The following C2orf80 variants were observed in gnomAD, a reference collection of about 807,000 sequenced individuals.
C2orf80 encodes uncharacterized protein C2orf80.
In C2orf80, 28 loss-of-function variants were observed where a neutral mutation model predicts 30.2. That is an observed-to-expected ratio of 0.93 (90% CI 0.69 to 1.27). The LOEUF (loss-of-function observed/expected upper bound fraction) is 1.27, where lower values mean the gene tolerates loss of function less well. C2orf80 is among the 50% of genes most tolerant of loss of function. C2orf80 has a pLI of 0.00. For synonymous variants in C2orf80, 80 were observed against 76.4 expected (o/e 1.05, Z -0.24); for missense variants, 220 against 231.0 (o/e 0.95, Z 0.31).
chr2:208,176,921 G>GTATACATACGTATACATAGGTGTATACA (rs1696332390), intron 6 of C2orf80, among the ~76,000 whole-genome samples: 1 of 96,814 alleles, frequency 1.0e-5, no homozygotes, highest in African/African-American at 3.8e-5. Flanking sequence ...ATACATATCT[G>GTATACATACGTATACATAGGTGTATACA]TATACATATG....
chr2:208,172,982 G>C (rs1696150856), intron 6 of C2orf80, among the ~76,000 whole-genome samples: 1 of 151,944 alleles, frequency 6.6e-6, no homozygotes, highest in African/African-American at 2.4e-5. Flanking sequence ...AAGCGAGTGT[G>C]GTAGTGGATG....
At position 208,186,993 on chromosome 2, in the gene C2orf80, G is replaced by A. The variant is rs1559345757; in HGVS notation, c.-7C>T. 2 of 1,613,970 alleles carry A rather than the reference G, an allele frequency of 1.2e-6. No individual in the cohort carries two copies. The highest frequency in any genetic ancestry group is 1.7e-4 in the Middle Eastern group (1 of 6,060). The stretch of plus-strand genomic sequence containing the variant: ...TTATGAGCCTTCTTTCCATGTTAAA[G>A]GCTTAGCCAGCTGAGCAGGTATCTG... On this transcript the variant is annotated 5_prime_UTR_variant, in exon 2 of 9. Coordinates refer to ENST00000341287, the MANE Select transcript of C2orf80 (RefSeq NM_001099334.3).
chr2:208,171,131 C>T lies in C2orf80; in HGVS notation c.455-68G>A. ...TTAAAAATGTGTCCATCCAAAGTTT[C>T]ATTTAATTTCATTTCACTAATTAAT... On this transcript the variant is annotated intron_variant, in intron 7 of 8. Transcript: ENST00000341287. 4 of 970,328 alleles carry T rather than the reference C, an allele frequency of 4.1e-6. No homozygotes were observed. The African/African-American group carries it at 6.5e-5, about 16-fold the overall frequency. 60.1% of individuals were successfully genotyped at this position (970,328 alleles called of 1,614,324 possible). A position where few individuals can be genotyped will look rare whatever the true frequency, so the allele number is the denominator to read the frequency against.
At chr2:208,174,257 G>A (rs1356982590) in intron 6 of C2orf80, among the ~76,000 whole-genome samples, 1 of 152,082 alleles carries the variant, frequency 6.6e-6, no homozygotes, top group East Asian at 1.9e-4. Context: ...AATTCCTCAT[G>A]ATTAAGATCT....
At chr2:208,182,292 A>C (rs1407669837) in intron 4 of C2orf80, among the ~76,000 whole-genome samples, 1 of 152,228 alleles carries the variant, frequency 6.6e-6, no homozygotes, top group Non-Finnish European at 1.5e-5. Context: ...ATGTCTGCCT[A>C]AATGCTTAAG....
intron 1 of C2orf80, among the ~76,000 whole-genome samples, chr2:208,188,206 C>T (rs761389499): frequency 6.6e-6 from 1 of 151,758 alleles, no homozygotes; most frequent in Non-Finnish European, 1.5e-5. Flanking sequence ...TAGTTGTTGA[C>T]TCTGGAATTC....
chr2:208,187,100 C>G, intron 1 of C2orf80, 39 bp from the exon 2 acceptor site: 3 of 944,624 alleles, frequency 3.2e-6, no homozygotes, highest in Non-Finnish European at 5.0e-6. Flanking sequence ...GTTAGGGATG[C>G]TATCACTCCA....
At position 208,176,328 on chromosome 2, in the gene C2orf80, A is replaced by T. The variant is rs1696292336; in HGVS notation, c.367-4253T>A. Among the ~76,000 whole-genome samples, 6 of 152,208 alleles carry T rather than the reference A, an allele frequency of 3.9e-5. No homozygotes were observed. In the South Asian group the frequency reaches 1.2e-3, roughly 32 times the overall value. ...GTAGCTGGGATTACAGGAGCCCACC[A>T]CCACACCCGGCTAATTTTTGTATTT... On this transcript the variant is annotated intron_variant, in intron 6 of 8. Transcript: ENST00000341287.
chr2:208,186,637 C>T (rs780141250), intron 2 of C2orf80, among the ~76,000 whole-genome samples: 2 of 152,206 alleles, frequency 1.3e-5, no homozygotes, highest in Non-Finnish European at 1.5e-5. Context: ...CCCCTTTCAA[C>T]GGTGTATCTT....
intron 2 of C2orf80, 54 bp from the exon 3 acceptor site, chr2:208,185,086 C>A: frequency 7.5e-7 from 1 of 1,338,884 alleles, no homozygotes; most frequent in Non-Finnish European, 1.0e-6. Context: ...GCTCAGTCTG[C>A]AGAAAAAGGC....
At chr2:208,183,128 C>T in intron 3 of C2orf80, 81 bp from the exon 4 acceptor site, 1 of 1,071,950 alleles carries the variant, frequency 9.3e-7, no homozygotes, top group Non-Finnish European at 1.5e-6. Flanking sequence ...GACAATGGGA[C>T]TGCTAAGCCT....
chr2:208,181,380 A>T, intron 4 of C2orf80, 75 bp from the exon 5 acceptor site: 1 of 924,618 alleles, frequency 1.1e-6, no homozygotes, highest in South Asian at 1.4e-5. Context: ...TGTGATGATA[A>T]TCGATAAGTA....
Position 208,165,682 on chromosome 2 carries a change from A to G in C2orf80, c.*125T>C. 1 of 1,261,914 alleles carries G rather than the reference A, an allele frequency of 7.9e-7. No homozygotes were observed. Among genetic ancestry groups the G allele is most frequent in the Non-Finnish European group, 1.1e-6 (1 of 894,512 alleles). The allele number at this position is 1,261,914 out of a possible 1,614,324, so 78.2% of individuals were successfully genotyped here. Reference sequence around the variant, plus strand: ...AGCTCAACATCAAAAATAACACTTCAGTGCAGTTGTACCAAAAACAGTTGT... The same window carrying G: ...AGCTCAACATCAAAAATAACACTTCGGTGCAGTTGTACCAAAAACAGTTGT... On this transcript the variant is annotated 3_prime_UTR_variant, in exon 9 of 9. Coordinates refer to ENST00000341287, the MANE Select transcript of C2orf80 (RefSeq NM_001099334.3).
rs1330556978 is a variant in C2orf80, at chr2:208,165,573, C to T, written c.*234G>A. The T allele has an allele frequency of 4.2e-6, 2 of 476,762 alleles. No individual in the cohort carries two copies. The highest frequency in any genetic ancestry group is 7.4e-6 in the Non-Finnish European group (2 of 271,188). 29.5% of individuals were successfully genotyped at this position (476,762 alleles called of 1,614,324 possible). A position where few individuals can be genotyped will look rare whatever the true frequency, so the allele number is the denominator to read the frequency against. On this transcript the variant is annotated 3_prime_UTR_variant, in exon 9 of 9. Coordinates refer to ENST00000341287, the MANE Select transcript of C2orf80 (RefSeq NM_001099334.3). Reference sequence around the variant, plus strand: ...TATACTTTCTGAATTCTCCAGCAGTCTTCCAGTCACAATGAAGTAGCATAA... The same window carrying T: ...TATACTTTCTGAATTCTCCAGCAGTTTTCCAGTCACAATGAAGTAGCATAA...
chr2:208,175,222 G>T (rs758923670), intron 6 of C2orf80, among the ~76,000 whole-genome samples: 1 of 146,108 alleles, frequency 6.8e-6, no homozygotes, highest in Non-Finnish European at 1.5e-5. Context: ...GGGGGGGGGG[G>T]GGGCGGAGGT....
At chr2:208,178,482 G>T (rs184775972) in intron 6 of C2orf80, among the ~76,000 whole-genome samples, 17 of 152,290 alleles carry the variant, frequency 1.1e-4, no homozygotes, top group Admixed American at 2.0e-4. Flanking sequence ...AGTATGATTT[G>T]CTTGGCTATC....
At chr2:208,171,861 C>A (rs927532971) in intron 7 of C2orf80, 127 bp downstream of exon 7, 3 of 847,452 alleles carry the variant, frequency 3.5e-6, no homozygotes, top group Admixed American at 1.8e-5. Flanking sequence ...GCCCCTGGTT[C>A]TTTTAAATTC....
chr2:208,171,028 C>A lies in C2orf80; in HGVS notation c.490G>T (p.Ala164Ser). Residue 164 changes from alanine (A) to serine (S), a missense_variant, in exon 8 of 9, where the codon GCC becomes TCC. Physicochemically the swap from Ala to Ser is moderately conservative, Grantham distance 99 (BLOSUM62 1). Coordinates refer to ENST00000341287, the MANE Select transcript of C2orf80 (RefSeq NM_001099334.3). Reference protein sequence around the residue: ...KSRKVTTNKNATSISAKEANA... With the variant: ...KSRKVTTNKNSTSISAKEANA... ...GCTTCCTTTGCAGAGATGCTGGTGGCATTTTTATTTGTTGTTACCTTTCTT... is the reference window on the plus strand; with the variant it reads ...GCTTCCTTTGCAGAGATGCTGGTGGAATTTTTATTTGTTGTTACCTTTCTT... 6.2e-6 allele frequency: 10 copies of A among 1,614,098 alleles called. No homozygotes were observed. The highest frequency in any genetic ancestry group is 8.5e-6 in the Non-Finnish European group (10 of 1,179,960).
At chr2:208,178,106 C>CCG (rs1696425804) in intron 6 of C2orf80, among the ~76,000 whole-genome samples, 1 of 152,164 alleles carries the variant, frequency 6.6e-6, no homozygotes, top group Non-Finnish European at 1.5e-5. Context: ...GCATGAGCTA[C>CCG]CGCGCCCAGC....
Sources: gnomAD v4.1 joint callset for allele counts (sites outside exome capture counted in the v4.1 genomes callset) on GRCh38, gnomAD v4.1.1 for gene constraint, MANE v1.5 for transcripts, NCBI Gene and HGNC (gene_info 2026-07-23, HGNC 2026-07-21) for gene names.